RTF1: variants seen among roughly 807,000 people sequenced by gnomAD.
The protein encoded by RTF1 is RNA polymerase-associated protein RTF1 homolog.
Under a neutral mutation model 95.7 loss-of-function variants are expected in RTF1, and 10 were observed. That is an observed-to-expected ratio of 0.10 (90% confidence interval 0.06 to 0.18). RTF1 has a LOEUF of 0.18. RTF1 is among the 10% of genes least tolerant of loss of function. The pLI is 1.00. For missense variants in RTF1, 458 were observed against 875.6 expected, an observed-to-expected ratio of 0.52 and a Z score of 6.02; for synonymous variants, 305 against 311.8, an observed-to-expected ratio of 0.98 and a Z score of 0.23.
intron 1 of RTF1, among the ~76,000 whole-genome samples, chr15:41,417,815 T>C (rs1000134767): frequency 2.0e-5 from 3 of 152,136 alleles, no homozygotes; most frequent in African/African-American, 7.2e-5. Context: ...CACTCGTAAA[T>C]GTTCCTAGGA....
At chr15:41,438,453 T>C in intron 2 of RTF1, 22 bp downstream of exon 2, 3 of 1,496,250 alleles carry the variant, frequency 2.0e-6, no homozygotes, top group Non-Finnish European at 2.7e-6. Context: ...GGGCCTCGGC[T>C]TCTGGGACCA....
chr15:41,470,037 TC>T (rs1230240822), intron 6 of RTF1, among the ~76,000 whole-genome samples: 1 of 152,176 alleles, frequency 6.6e-6, no homozygotes, highest in Non-Finnish European at 1.5e-5. Context: ...GTATCAATCT[TC>T]CAGCCCTTTT....
At chr15:41,447,585 T>C (rs1008672224) in intron 2 of RTF1, among the ~76,000 whole-genome samples, 1 of 152,210 alleles carries the variant, frequency 6.6e-6, no homozygotes, top group Non-Finnish European at 1.5e-5. Context: ...CTTTTTAAGT[T>C]TTCTTCATTG....
chr15:41,423,665 A>G (rs2050614453), intron 1 of RTF1, among the ~76,000 whole-genome samples: 1 of 151,990 alleles, frequency 6.6e-6, no homozygotes, highest in Admixed American at 6.6e-5. Flanking sequence ...CACCACGCCC[A>G]GCCCTGGGAG....
At chr15:41,479,281 G>C in intron 16 of RTF1, 83 bp downstream of exon 16, 1 of 908,304 alleles carries the variant, frequency 1.1e-6, no homozygotes, top group East Asian at 2.6e-5. Flanking sequence ...GTTTGGGCTT[G>C]ATTTTTCCAC....
chr15:41,460,126 T>G (rs3986300), intron 4 of RTF1, among the ~76,000 whole-genome samples: 31,565 of 128,640 alleles, frequency 0.25, 3,595 homozygotes, highest in Non-Finnish European at 0.26. Flanking sequence ...TTTTTGTTTT[T>G]TTTTTTTTTT....
In RTF1 at chr15:41,421,635, A is replaced by G. The variant is rs534247279; in HGVS notation, c.198+4322A>G. Among the ~76,000 whole-genome samples the G allele has an allele frequency of 9.1e-5, 13 of 142,868 alleles. No individual in the cohort carries two copies. The East Asian group carries it at 1.0e-3, about 11-fold the overall frequency. The allele number at this position is 142,868 out of a possible 152,430, so 93.7% of individuals were successfully genotyped here. A position where few individuals can be genotyped will look rare whatever the true frequency, so the allele number is the denominator to read the frequency against. Reference sequence around the variant, plus strand: ...AACAGAGTGAGACCCTGTCCCAAAGAAAAAAAAAAAAAAGGCACTTGTATA... The same window carrying G: ...AACAGAGTGAGACCCTGTCCCAAAGGAAAAAAAAAAAAAGGCACTTGTATA... On this transcript the variant is annotated intron_variant, in intron 1 of 17. Coordinates refer to ENST00000389629, the MANE Select transcript of RTF1 (RefSeq NM_015138.5).
intron 3 of RTF1, among the ~76,000 whole-genome samples, chr15:41,455,830 G>A (rs1566843915): frequency 1.3e-5 from 2 of 151,766 alleles, no homozygotes; most frequent in Non-Finnish European, 2.9e-5. Context: ...GGGAGGGAGT[G>A]AGGGTTAAAA....
rs184654246 is a variant in RTF1 at position 41,450,460 on chromosome 15, C to T, written c.310-2441C>T. Among the ~76,000 whole-genome samples, 100 of 152,096 alleles carry T rather than the reference C, an allele frequency of 6.6e-4. 1 individual carries two copies. The highest frequency in any genetic ancestry group is 2.3e-3 in the African/African-American group (94 of 41,486). ...ATTAGCCGGGCGTGGTGGCATATGC[C>T]TGTAATCCCAGCTACTCGGGAGGCT... On this transcript the variant is annotated intron_variant, in intron 2 of 17. Transcript: ENST00000389629.
chr15:41,477,446 C>CT lies in RTF1; in HGVS notation c.1683-10dup. The CT allele has an allele frequency of 1.2e-6, 2 of 1,614,200 alleles. No homozygotes were observed. The highest frequency in any genetic ancestry group is 1.7e-6 in the Non-Finnish European group (2 of 1,180,024). Reference sequence around the variant, plus strand: ...GTTTCACAGCCACTGACTCATCCCTCTTACCCCACAGTTACATCAACCAGC... The same window carrying CT: ...GTTTCACAGCCACTGACTCATCCCTCTTTACCCCACAGTTACATCAACCAGC... On this transcript the variant is annotated splice_polypyrimidine_tract_variant and intron_variant, in intron 13 of 17. Transcript: ENST00000389629.
chr15:41,469,218 T>C (rs549653933), intron 6 of RTF1, among the ~76,000 whole-genome samples: 6 of 152,262 alleles, frequency 3.9e-5, no homozygotes, highest in African/African-American at 1.4e-4. Context: ...CCGCCTTGCC[T>C]TGGCCTCCCA....
intron 1 of RTF1, 108 bp downstream of exon 1, chr15:41,417,421 G>A: frequency 8.2e-6 from 8 of 970,698 alleles, no homozygotes; most frequent in Non-Finnish European, 9.4e-6. Context: ...CGCCCAGCTC[G>A]CCCCGTGCCC....
At chr15:41,441,088 C>T (rs1206105184) in intron 2 of RTF1, among the ~76,000 whole-genome samples, 1 of 151,044 alleles carries the variant, frequency 6.6e-6, no homozygotes, top group African/African-American at 2.4e-5. Context: ...TCTTCTGCCT[C>T]AACCTCCCAA....
intron 5 of RTF1, among the ~76,000 whole-genome samples, chr15:41,465,391 A>C (rs2140964459): frequency 6.6e-6 from 1 of 152,320 alleles, no homozygotes; most frequent in East Asian, 1.9e-4. Flanking sequence ...GTGTAATCCC[A>C]GCACTTTGAG....
At chr15:41,427,872 C>T (rs12437636) in intron 1 of RTF1, among the ~76,000 whole-genome samples, 36 of 151,302 alleles carry the variant, frequency 2.4e-4, no homozygotes, top group African/African-American at 8.2e-4. Flanking sequence ...CTGCAACCTC[C>T]GCCTCCCGGG....
In RTF1 at chr15:41,420,601, G is replaced by A. The variant is rs922612348; in HGVS notation, c.198+3288G>A. Among the ~76,000 whole-genome samples the A allele has an allele frequency of 2.0e-5, 3 of 152,078 alleles. No homozygotes were observed. The East Asian group carries it at 5.8e-4, about 29-fold the overall frequency. On this transcript the variant is annotated intron_variant, in intron 1 of 17. Coordinates refer to ENST00000389629, the MANE Select transcript of RTF1 (RefSeq NM_015138.5). ...GACAGATCACTGAGTATCTAGTGTG[G>A]ATTGGAATGCAGTTCGTAAGGAGGC...
Position 41,475,581 on chromosome 15 carries a change from C to A in RTF1, c.1343C>A (p.Thr448Asn). The A allele has an allele frequency of 6.2e-7, 1 of 1,614,084 alleles. No homozygotes were observed. Among genetic ancestry groups the A allele is most frequent in the African/African-American group, 1.3e-5 (1 of 75,008 alleles). ...RLEFVSNQEF[T>N]ESEFMKWKEA... ...GAGTTTGTCTCAAACCAAGAATTCA[C>A]CGAAAGTGAGTTTATGAAGTGGAAA... The change falls in exon 10 of 18, where the codon ACC (threonine) becomes AAC (asparagine). Residue 448 changes from threonine to asparagine, a missense_variant. Physicochemically the swap from Thr to Asn is moderately conservative, Grantham distance 65. This residue lies in a region of RTF1 where 150 missense variants were observed against 275.7 expected (regional missense o/e 0.54). Transcript: ENST00000389629.
At chr15:41,462,681 T>G (rs746222879) in intron 4 of RTF1, among the ~76,000 whole-genome samples, 103 of 152,182 alleles carry the variant, frequency 6.8e-4, no homozygotes, top group Non-Finnish European at 1.2e-3. Context: ...TATTTCCCCA[T>G]AAGCCTCCCA....
chr15:41,464,944 G>GTA, intron 5 of RTF1, 59 bp downstream of exon 5: 1 of 1,453,976 alleles, frequency 6.9e-7, no homozygotes, highest in East Asian at 2.5e-5. Context: ...GTGTGTGTGT[G>GTA]TGTGTGTGTG....
Sources: gnomAD v4.1 joint callset for allele counts (sites outside exome capture counted in the v4.1 genomes callset) on GRCh38, gnomAD v4.1.1 for gene constraint, gnomAD v4.1.1 regional missense constraint, MANE v1.5 for transcripts, NCBI Gene and HGNC (gene_info 2026-07-23, HGNC 2026-07-21) for gene names.